Variants in GMDS observed in about 807,000 individuals in gnomAD.
GMDS encodes the protein GDP-mannose 4,6-dehydratase, also known as GDP-mannose 4,6 dehydratase.
In GMDS, 20 loss-of-function variants were observed where a neutral mutation model predicts 49.9. That is an observed-to-expected ratio of 0.40 (90% CI 0.28 to 0.58). The LOEUF (loss-of-function observed/expected upper bound fraction) is 0.58. Ranked by LOEUF, GMDS falls within the 20% of genes least tolerant of loss-of-function variation. The probability of loss-of-function intolerance (pLI) is 0.42; values close to 1 mark genes in which losing one functional copy is unlikely to be tolerated. For missense variants in GMDS, 362 were observed against 481.4 expected, an observed-to-expected ratio of 0.75 and a Z score of 2.32; for synonymous variants, 177 against 178.6, an observed-to-expected ratio of 0.99 and a Z score of 0.07.
At chr6:2,190,305 C>T (rs1408345968) in intron 1 of GMDS, among the ~76,000 whole-genome samples, 1 of 152,152 alleles carries the variant, frequency 6.6e-6, no homozygotes, top group Non-Finnish European at 1.5e-5. Context: ...TGTTTTCTCA[C>T]TTTTGTTTAA....
At chr6:2,160,353 C>A (rs752113691) in intron 1 of GMDS, among the ~76,000 whole-genome samples, 8 of 152,180 alleles carry the variant, frequency 5.3e-5, no homozygotes, top group African/African-American at 9.7e-5. Flanking sequence ...AACATTTAAT[C>A]TTCACTAAGA....
intron 9 of GMDS, among the ~76,000 whole-genome samples, chr6:1,692,884 T>C (rs1765222726): frequency 6.6e-6 from 1 of 152,208 alleles, no homozygotes; most frequent in Admixed American, 6.5e-5. Flanking sequence ...TTTTCTCTTG[T>C]TTAGGGGATA....
At chr6:2,199,617 C>T (rs1779417388) in intron 1 of GMDS, among the ~76,000 whole-genome samples, 1 of 152,186 alleles carries the variant, frequency 6.6e-6, no homozygotes, top group Admixed American at 6.5e-5. Context: ...ACCCTTCCTC[C>T]TCTCCATTTT....
At chr6:1,846,189 C>G (rs1757403903) in intron 7 of GMDS, among the ~76,000 whole-genome samples, 2 of 151,446 alleles carry the variant, frequency 1.3e-5, no homozygotes, top group African/African-American at 4.9e-5. Flanking sequence ...ACCTCCCAGG[C>G]TCAAGTGATC....
chr6:2,154,163 A>G (rs1392732414), intron 1 of GMDS, among the ~76,000 whole-genome samples: 1 of 152,164 alleles, frequency 6.6e-6, no homozygotes, highest in African/African-American at 2.4e-5. Context: ...GAAAATTTAA[A>G]TTAAAAGATT....
chr6:1,874,784 T>A (rs995979458), intron 7 of GMDS, among the ~76,000 whole-genome samples: 1 of 152,208 alleles, frequency 6.6e-6, no homozygotes, highest in African/African-American at 2.4e-5. Context: ...TAGCAATGGA[T>A]GTGAAAGCCC....
chr6:1,990,502 A>T (rs1329346332), intron 4 of GMDS, among the ~76,000 whole-genome samples: 4 of 152,166 alleles, frequency 2.6e-5, no homozygotes, highest in Admixed American at 2.6e-4. Flanking sequence ...TTGATCAGTC[A>T]ATTAACCTGT....
At chr6:1,786,517 A>G (rs919475709) in intron 7 of GMDS, among the ~76,000 whole-genome samples, 19 of 152,234 alleles carry the variant, frequency 1.2e-4, no homozygotes, top group Admixed American at 1.2e-3. Flanking sequence ...GGACCTCAGC[A>G]TCCCAGGCTG....
At chr6:1,965,430 T>C (rs1170799526) in intron 4 of GMDS, among the ~76,000 whole-genome samples, 1 of 152,232 alleles carries the variant, frequency 6.6e-6, no homozygotes, top group East Asian at 1.9e-4. Context: ...TAAAATCTAA[T>C]TGGTTACAAA....
At chr6:1,975,041 A>G (rs549486261) in intron 4 of GMDS, among the ~76,000 whole-genome samples, 1,548 of 151,506 alleles carry the variant, frequency 0.01, 16 homozygotes, top group Non-Finnish European at 0.016. Context: ...CTGTCTCAAA[A>G]AAAAAACAAA....
chr6:2,092,882 A>T (rs149604255), intron 4 of GMDS, among the ~76,000 whole-genome samples: 310 of 152,376 alleles, frequency 2.0e-3, no homozygotes, highest in Non-Finnish European at 2.8e-3. Flanking sequence ...AGCAATATAA[A>T]TGATATTCTA....
At chr6:2,030,547 C>G (rs1416772691) in intron 4 of GMDS, among the ~76,000 whole-genome samples, 1 of 152,164 alleles carries the variant, frequency 6.6e-6, no homozygotes, top group Non-Finnish European at 1.5e-5. Context: ...GCAGTTTGTA[C>G]AACACATTTG....
intron 4 of GMDS, among the ~76,000 whole-genome samples, chr6:2,087,092 C>T (rs996133221): frequency 1.3e-5 from 2 of 152,204 alleles, no homozygotes; most frequent in Non-Finnish European, 2.9e-5. Context: ...GGCCTTTCCA[C>T]TCCCACCACA....
Position 2,245,303 on chromosome 6 carries a change from C to A in GMDS, c.102+18G>T. 6.7e-7 allele frequency: 1 copy of A among 1,500,622 alleles called. No individual in the cohort carries two copies. The highest frequency in any genetic ancestry group is 9.0e-7 in the Non-Finnish European group (1 of 1,113,564). 93.0% of individuals were successfully genotyped at this position (1,500,622 alleles called of 1,614,324 possible). A position where few individuals can be genotyped will look rare whatever the true frequency, so the allele number is the denominator to read the frequency against. On this transcript the variant is annotated intron_variant, in intron 1 of 10. Coordinates refer to ENST00000380815, the MANE Select transcript of GMDS (RefSeq NM_001500.4). ...GCCCAGGCTGCCTCGGCCGGCGCGC[C>A]CCCGCCCCCGCACTCACCTGGCCTG...
chr6:1,810,495 C>T (rs1258997266), intron 7 of GMDS, among the ~76,000 whole-genome samples: 1 of 151,878 alleles, frequency 6.6e-6, no homozygotes, highest in Non-Finnish European at 1.5e-5. Flanking sequence ...GTTGGCCAGG[C>T]TGGTCTCGAA....
intron 9 of GMDS, among the ~76,000 whole-genome samples, chr6:1,693,084 C>T (rs371363675): frequency 5.3e-5 from 8 of 152,226 alleles, no homozygotes; most frequent in African/African-American, 1.9e-4. Flanking sequence ...TTAGGCAGGT[C>T]TGGAGCAGCC....
chr6:1,848,956 G>C (rs186429588), intron 7 of GMDS, among the ~76,000 whole-genome samples: 1 of 152,148 alleles, frequency 6.6e-6, no homozygotes, highest in Non-Finnish European at 1.5e-5. Context: ...GTGACTGCAG[G>C]ATGTGTAGCA....
chr6:2,021,619 GT>G (rs1189113592), intron 4 of GMDS, among the ~76,000 whole-genome samples: 2 of 152,214 alleles, frequency 1.3e-5, no homozygotes, highest in Non-Finnish European at 2.9e-5. Context: ...TCCAGGTCTT[GT>G]GTTAACCTCA....
intron 7 of GMDS, among the ~76,000 whole-genome samples, chr6:1,858,559 TC>T (rs1192945238): frequency 1.3e-5 from 2 of 152,200 alleles, no homozygotes; most frequent in Non-Finnish European, 2.9e-5. Context: ...CCAATTACTT[TC>T]TTTGGTTGTT....
Sources: allele counts gnomAD v4.1 joint callset (sites outside exome capture counted in the v4.1 genomes callset), GRCh38; gene constraint gnomAD v4.1.1; transcripts MANE v1.5; gene names NCBI Gene and HGNC (gene_info 2026-07-23, HGNC 2026-07-21).